The following DYRK1A variants were observed in gnomAD, a reference collection of about 807,000 sequenced individuals.
The protein encoded by DYRK1A is dual specificity tyrosine phosphorylation regulated kinase 1A, also known as dual specificity tyrosine-phosphorylation-regulated kinase 1A.
A neutral mutation model predicts 79.7 loss-of-function variants in DYRK1A; 9 were observed. That is an observed-to-expected ratio of 0.11 (90% CI 0.07 to 0.20). The LOEUF is 0.20. DYRK1A is among the 10% of genes least tolerant of loss of function. The pLI, the probability that DYRK1A is intolerant of heterozygous loss-of-function variation, is 1.00. For missense variants in DYRK1A, 622 were observed against 956.0 expected (o/e 0.65, Z 4.61); for synonymous variants, 349 against 329.7 (o/e 1.06, Z -0.63).
At chr21:37,382,099 C>T (rs1015400887) in intron 1 of DYRK1A, among the ~76,000 whole-genome samples, 2 of 152,004 alleles carry the variant, frequency 1.3e-5, no homozygotes, top group Non-Finnish European at 2.9e-5. Flanking sequence ...AGCAAATCAT[C>T]ACATAATTCC....
Position 37,518,290 on chromosome 21 carries a change from G to C in DYRK1A, c.*5759G>C, listed in dbSNP as rs2053901119. 6.6e-6 allele frequency: 1 copy of C among 152,240 alleles called. No homozygotes were observed. The highest frequency in any genetic ancestry group is 2.1e-4 in the South Asian group (1 of 4,828). 9.4% of individuals were successfully genotyped at this position (152,240 alleles called of 1,614,324 possible). On this transcript the variant is annotated 3_prime_UTR_variant, in exon 12 of 12. Transcript: ENST00000647188. ...AAGAGGTGATGCCACGAGGTGGGGA[G>C]GAGCTCACTTCAGGCACCACTCCCA...
chr21:37,501,166 G>T (rs1474674842), intron 9 of DYRK1A, among the ~76,000 whole-genome samples: 141 of 94,008 alleles, frequency 1.5e-3, no homozygotes, highest in Non-Finnish European at 1.3e-3. Flanking sequence ...GTTGTTGTTG[G>T]TTTTTTTTTT....
intron 1 of DYRK1A, among the ~76,000 whole-genome samples, chr21:37,415,238 C>T (rs2050314957): frequency 6.6e-6 from 1 of 152,096 alleles, no homozygotes; most frequent in Non-Finnish European, 1.5e-5. Context: ...GTTCTTAAAC[C>T]TTCTCCCTAG....
intron 4 of DYRK1A, among the ~76,000 whole-genome samples, 154 bp downstream of exon 4, chr21:37,478,454 T>A (rs190327824): frequency 6.6e-6 from 1 of 152,336 alleles, no homozygotes; most frequent in African/African-American, 2.4e-5. Flanking sequence ...ATATTACAAT[T>A]ATGTAAAAGA....
intron 6 of DYRK1A, chr21:37,487,692 C>CT (rs2052922684): frequency 6.6e-6 from 1 of 152,086 alleles, no homozygotes; most frequent in Non-Finnish European, 1.5e-5. Context: ...AATAATGGAT[C>CT]TTTAAAAGGG....
chr21:37,495,983 T>C, intron 8 of DYRK1A, 135 bp from the exon 9 acceptor site: 1 of 768,084 alleles, frequency 1.3e-6, no homozygotes. Context: ...GTTTGTTCAT[T>C]ACTGTATGCT....
intron 1 of DYRK1A, among the ~76,000 whole-genome samples, chr21:37,370,751 C>T (rs1199209014): frequency 1.3e-5 from 2 of 152,142 alleles, no homozygotes; most frequent in Admixed American, 1.3e-4. Flanking sequence ...AACCAAGAAT[C>T]TTTACTTTCT....
intron 2 of DYRK1A, among the ~76,000 whole-genome samples, chr21:37,441,036 T>C (rs764969770): frequency 1.3e-5 from 2 of 151,396 alleles, no homozygotes; most frequent in Admixed American, 6.6e-5. Flanking sequence ...ATCGTTGTAG[T>C]TTTATCATTT....
chr21:37,496,239 A>C lies in DYRK1A; in HGVS notation c.1193A>C (p.Lys398Thr). 3.7e-6 allele frequency: 6 copies of C among 1,613,022 alleles called. No individual in the cohort carries two copies. The highest frequency in any genetic ancestry group is 5.1e-6 in the Non-Finnish European group (6 of 1,179,720). ...CCAGATGGCACTTGGAACTTAAAGA[A>C]GACCAAAGATGGAAAACGGGTAAAA... The part of the protein sequence containing the change: ...KLPDGTWNLK[K>T]TKDGKREYKP... Residue 398 changes from lysine to threonine, a missense_variant, in exon 9 of 12, where the codon AAG becomes ACG. This residue lies in a region of DYRK1A where 80 missense variants were observed against 116.5 expected (regional missense o/e 0.69). Transcript: ENST00000647188.
Position 37,493,170 on chromosome 21 carries a change from G to A in DYRK1A, c.1071+7G>A. On this transcript the variant is annotated splice_region_variant and intron_variant, in intron 8 of 11. Transcript: ENST00000647188. Reference sequence around the variant, plus strand: ...GTTCAGTGGTGCCAATGAGGTAAATGATGTATTGCTTTACAAATTCTGTTT... The same window carrying A: ...GTTCAGTGGTGCCAATGAGGTAAATAATGTATTGCTTTACAAATTCTGTTT... 6.3e-7 allele frequency: 1 copy of A among 1,579,988 alleles called. No individual in the cohort carries two copies. The highest frequency in any genetic ancestry group is 1.1e-5 in the South Asian group (1 of 87,756).
At chr21:37,453,052 A>C (rs10854381) in intron 2 of DYRK1A, among the ~76,000 whole-genome samples, 43,659 of 152,066 alleles carry the variant, frequency 0.29, 6,428 homozygotes, top group South Asian at 0.38. Context: ...CCAAGGCTGC[A>C]GTGAGCTATG....
At chr21:37,430,519 C>T (rs2148452125) in intron 2 of DYRK1A, 2 of 541,458 alleles carry the variant, frequency 3.7e-6, no homozygotes, top group South Asian at 1.6e-4. Flanking sequence ...CCCTTGTTGC[C>T]CAACTCAAGA....
At chr21:37,413,728 C>T (rs1435467284) in intron 1 of DYRK1A, among the ~76,000 whole-genome samples, 1 of 152,158 alleles carries the variant, frequency 6.6e-6, no homozygotes, top group Non-Finnish European at 1.5e-5. Context: ...ATTGGGCCAC[C>T]TCTTCTAAGT....
chr21:37,373,462 GACT>G, intron 1 of DYRK1A, among the ~76,000 whole-genome samples: 1 of 152,298 alleles, frequency 6.6e-6, no homozygotes, highest in East Asian at 1.9e-4. Flanking sequence ...GCCTGTTTCT[GACT>G]AAATACAGTG....
chr21:37,382,045 A>G (rs1237687091), intron 1 of DYRK1A, among the ~76,000 whole-genome samples: 1 of 152,162 alleles, frequency 6.6e-6, no homozygotes, highest in Non-Finnish European at 1.5e-5. Flanking sequence ...ATATAGTTTT[A>G]TAACCTTTTT....
chr21:37,483,673 C>T (rs77987134), intron 5 of DYRK1A, among the ~76,000 whole-genome samples: 1,593 of 152,158 alleles, frequency 0.01, 23 homozygotes, highest in African/African-American at 0.036. Flanking sequence ...GCCTCAACCT[C>T]CTGGGTTCAA....
rs913162189 is a variant in DYRK1A, at chr21:37,515,468, C to T, written c.*2937C>T. 6.6e-6 allele frequency: 1 copy of T among 152,074 alleles called. No individual in the cohort carries two copies. Among genetic ancestry groups the T allele is most frequent in the Non-Finnish European group, 1.5e-5 (1 of 68,022 alleles). The allele number at this position is 152,074 out of a possible 1,614,324, so 9.4% of individuals were successfully genotyped here. ...CATATTTTAGTTGGTAGCATTTCGA[C>T]TGGATGTGAGGGTCTGATGGTTTTC... On this transcript the variant is annotated 3_prime_UTR_variant, in exon 12 of 12. Coordinates refer to ENST00000647188, the MANE Select transcript of DYRK1A (RefSeq NM_001347721.2).
intron 2 of DYRK1A, among the ~76,000 whole-genome samples, chr21:37,462,325 A>G (rs544210530): frequency 2.0e-5 from 3 of 152,062 alleles, no homozygotes; most frequent in Non-Finnish European, 4.4e-5. Context: ...CTGTTAATTC[A>G]CTTGCAGACC....
intron 2 of DYRK1A, among the ~76,000 whole-genome samples, chr21:37,457,769 A>T (rs2051700669): frequency 6.6e-6 from 1 of 152,226 alleles, no homozygotes; most frequent in African/African-American, 2.4e-5. Flanking sequence ...AGAACTAAAA[A>T]AGAGCAAGTC....
Sources: allele counts gnomAD v4.1 joint callset (sites outside exome capture counted in the v4.1 genomes callset), GRCh38; gene constraint gnomAD v4.1.1; regional missense constraint gnomAD v4.1.1; transcripts MANE v1.5; gene names NCBI Gene and HGNC (gene_info 2026-07-23, HGNC 2026-07-21).